The following LYST variants were observed in gnomAD, a reference collection of about 807,000 sequenced individuals.
LYST encodes lysosomal trafficking regulator.
In LYST, 192 loss-of-function variants were observed where a neutral mutation model predicts 413.6. The ratio of observed to expected loss-of-function variants is 0.46; its 90% confidence interval spans 0.41 to 0.52. LYST has a LOEUF of 0.52. LYST is among the 20% of genes least tolerant of loss of function. The probability of loss-of-function intolerance (pLI) is 0.00; values close to 1 mark genes in which losing one functional copy is unlikely to be tolerated. For synonymous variants in LYST, 1,525 were observed against 1,567.3 expected (o/e 0.97, Z 0.64); for missense variants, 3,815 against 4,499.9 (o/e 0.85, Z 4.35).
At chr1:235,831,746 A>T (rs1195877480) in intron 2 of LYST, among the ~76,000 whole-genome samples, 1 of 152,212 alleles carries the variant, frequency 6.6e-6, no homozygotes, top group Non-Finnish European at 1.5e-5. Flanking sequence ...TGCATCTCTC[A>T]TTCTAAAATA....
rs1251704046 is a variant in LYST, at chr1:235,693,365, A to G, written c.10686T>C (p.Ser3562=). 2 of 1,610,076 alleles carry G rather than the reference A, an allele frequency of 1.2e-6. No individual in the cohort carries two copies. Among genetic ancestry groups the G allele is most frequent in the African/African-American group, 2.7e-5 (2 of 74,810 alleles). ...QSEPPVNFIQ[S]SQQYQVTSCA... ...AAGTGTTTACCTGGTACTGTTGTGA[A>G]CTTTGAATAAAGTTTACTGGAGGCT... Residue 3562 remains serine, a synonymous_variant, in exon 47 of 53, where the codon AGT becomes AGC. Coordinates refer to ENST00000389793, the MANE Select transcript of LYST (RefSeq NM_000081.4).
intron 20 of LYST, among the ~76,000 whole-genome samples, chr1:235,769,903 C>T (rs1668495803): frequency 6.6e-6 from 1 of 152,042 alleles, no homozygotes; most frequent in Non-Finnish European, 1.5e-5. Context: ...TCTATCCCAA[C>T]ATAAAGAAAC....
chr1:235,679,962 T>C (rs1416921717), intron 48 of LYST, among the ~76,000 whole-genome samples: 1 of 152,058 alleles, frequency 6.6e-6, no homozygotes, highest in African/African-American at 2.4e-5. Flanking sequence ...TACTAGCTTG[T>C]CAGATCTTCA....
intron 29 of LYST, among the ~76,000 whole-genome samples, chr1:235,745,095 T>C (rs1445664700): frequency 6.6e-6 from 1 of 152,138 alleles, no homozygotes. Flanking sequence ...TTCAGCTTTA[T>C]TGGAATATAA....
intron 47 of LYST, among the ~76,000 whole-genome samples, chr1:235,691,124 T>C (rs1660615610): frequency 6.6e-6 from 1 of 152,110 alleles, no homozygotes; most frequent in South Asian, 2.1e-4. Flanking sequence ...TTCACTGTGT[T>C]AGCCAGGATG....
At position 235,766,263 on chromosome 1, in the gene LYST, C is replaced by A; in HGVS notation, c.5937G>T (p.Gly1979=). 6.2e-7 allele frequency: 1 copy of A among 1,607,282 alleles called. No individual in the cohort carries two copies. The highest frequency in any genetic ancestry group is 8.5e-7 in the Non-Finnish European group (1 of 1,177,328). ...CCTCTCGGGGCATGGGTGTGAGTTG[C>A]CCCTCTTTGTATTCCTGAAAAAATA... ...TCQVLQEYKE[G]QLTPMPREVC... Residue 1979 remains glycine, a synonymous_variant, in exon 21 of 53, where the codon GGG becomes GGT. Transcript: ENST00000389793.
intron 19 of LYST, among the ~76,000 whole-genome samples, chr1:235,771,285 G>A (rs1212768515): frequency 6.6e-6 from 1 of 152,042 alleles, no homozygotes; most frequent in Non-Finnish European, 1.5e-5. Context: ...AGAAAAACGA[G>A]ACTTAGTTCA....
At chr1:235,824,159 A>C (rs180916190) in intron 3 of LYST, among the ~76,000 whole-genome samples, 50 of 152,378 alleles carry the variant, frequency 3.3e-4, no homozygotes, top group African/African-American at 1.1e-3. Context: ...TTAAAAACCT[A>C]TTATAATGTT....
At chr1:235,762,019 T>C (rs927107245) in intron 22 of LYST, among the ~76,000 whole-genome samples, 1 of 150,860 alleles carries the variant, frequency 6.6e-6, no homozygotes. Context: ...ATATGCCTAA[T>C]GCTAAATGAC....
At chr1:235,721,976 G>C (rs368865603) in intron 39 of LYST, among the ~76,000 whole-genome samples, 1 of 152,146 alleles carries the variant, frequency 6.6e-6, no homozygotes, top group East Asian at 1.9e-4. Flanking sequence ...AGGGGTGCTT[G>C]GTGGAGAGGG....
Position 235,788,691 on chromosome 1 carries a change from T to A in LYST, c.4688+10A>T. On this transcript the variant is annotated intron_variant, in intron 13 of 52. Coordinates refer to ENST00000389793, the MANE Select transcript of LYST (RefSeq NM_000081.4). ...TTATCTATTCATGGGAGGCTGAGGATAATCAATACCGAAAGATAAGAGTGG... is the reference window on the plus strand; with the variant it reads ...TTATCTATTCATGGGAGGCTGAGGAAAATCAATACCGAAAGATAAGAGTGG... The A allele has an allele frequency of 6.2e-7, 1 of 1,603,968 alleles. No individual in the cohort carries two copies. The highest frequency in any genetic ancestry group is 8.5e-7 in the Non-Finnish European group (1 of 1,170,894).
intron 1 of LYST, among the ~76,000 whole-genome samples, chr1:235,882,973 T>C (rs530882954): frequency 2.6e-4 from 39 of 152,216 alleles, no homozygotes; most frequent in Non-Finnish European, 4.7e-4. Flanking sequence ...CCTCCTCAAA[T>C]ACTCTTCCCT....
chr1:235,715,124 A>G (rs1662719143), intron 42 of LYST, 77 bp downstream of exon 42: 1 of 1,202,826 alleles, frequency 8.3e-7, no homozygotes, highest in Non-Finnish European at 1.2e-6. Context: ...TTAAAATGTC[A>G]GTCCTAAGTT....
At chr1:235,737,953 G>GTCTCATT in intron 31 of LYST, 1 of 1,258,708 alleles carries the variant, frequency 7.9e-7, no homozygotes, top group Non-Finnish European at 1.0e-6. Flanking sequence ...AACACCCGCC[G>GTCTCATT]GACGTGCATT....
chr1:235,675,345 C>G (rs1365987159), intron 50 of LYST, among the ~76,000 whole-genome samples: 3 of 152,136 alleles, frequency 2.0e-5, no homozygotes, highest in Non-Finnish European at 2.9e-5. Context: ...TAAGTCTTAG[C>G]CAATTGAGTT....
intron 1 of LYST, among the ~76,000 whole-genome samples, chr1:235,882,523 G>A (rs930025225): frequency 6.6e-6 from 1 of 152,188 alleles, no homozygotes; most frequent in African/African-American, 2.4e-5. Flanking sequence ...AAAGGGACTA[G>A]AGGCAGAGAC....
upstream of LYST, among the ~76,000 whole-genome samples, chr1:235,867,329 T>C (rs1680674650): frequency 6.6e-6 from 1 of 152,046 alleles, no homozygotes; most frequent in South Asian, 2.1e-4. Flanking sequence ...TGTCAACCTG[T>C]CCCATTGTGT....
At chr1:235,743,436 T>C (rs1665612165) in intron 30 of LYST, among the ~76,000 whole-genome samples, 1 of 152,176 alleles carries the variant, frequency 6.6e-6, no homozygotes, top group Admixed American at 6.5e-5. Flanking sequence ...CTGCTAGAAT[T>C]AGATTGGCTT....
At chr1:235,695,746 C>A (rs918855405) in intron 46 of LYST, among the ~76,000 whole-genome samples, 6 of 150,672 alleles carry the variant, frequency 4.0e-5, no homozygotes, top group African/African-American at 1.5e-4. Flanking sequence ...CATTCTCCTG[C>A]CTCAGCCTCC....
Sources: gnomAD v4.1 joint callset for allele counts (sites outside exome capture counted in the v4.1 genomes callset) on GRCh38, gnomAD v4.1.1 for gene constraint, MANE v1.5 for transcripts, NCBI Gene and HGNC (gene_info 2026-07-23, HGNC 2026-07-21) for gene names.